The following ZSCAN1 variants were observed in gnomAD, a reference collection of about 807,000 sequenced individuals.
ZSCAN1 encodes zinc finger and SCAN domain-containing protein 1.
Under a neutral mutation model 23.8 loss-of-function variants are expected in ZSCAN1, and 23 were observed. That is an observed-to-expected ratio of 0.97 (90% CI 0.70 to 1.37). The LOEUF (loss-of-function observed/expected upper bound fraction) is 1.37. ZSCAN1 is among the 40% of genes most tolerant of loss of function. The pLI, the probability that ZSCAN1 is intolerant of heterozygous loss-of-function variation, is 0.00. For synonymous variants in ZSCAN1, 236 were observed against 232.3 expected, an observed-to-expected ratio of 1.02 and a Z score of -0.15; for missense variants, 575 against 554.0, an observed-to-expected ratio of 1.04 and a Z score of -0.38.
Position 58,045,051 on chromosome 19 carries a change from A to G in ZSCAN1, c.465+4507A>G. The G allele has an allele frequency of 6.3e-6, 7 of 1,119,330 alleles. No homozygotes were observed. The highest frequency in any genetic ancestry group is 9.5e-6 in the Non-Finnish European group (7 of 733,364). The allele number at this position is 1,119,330 out of a possible 1,614,324, so 69.3% of individuals were successfully genotyped here. Reference sequence around the variant, plus strand: ...TGGTGGTGAAGTCCCGGGGGCAGAGAGGGTGCTGGGCGAGCTGAGGCACTA... The same window carrying G: ...TGGTGGTGAAGTCCCGGGGGCAGAGGGGGTGCTGGGCGAGCTGAGGCACTA... On this transcript the variant is annotated intron_variant, in intron 4 of 5. Coordinates refer to ENST00000282326, the MANE Select transcript of ZSCAN1 (RefSeq NM_182572.4). This position sits in a 1 kb window ranked among gnomAD's most constrained non-coding sequence, Gnocchi z 4.3.
intron 3 of ZSCAN1, among the ~76,000 whole-genome samples, chr19:58,039,163 G>C (rs1478716915): frequency 6.6e-6 from 1 of 152,236 alleles, no homozygotes; most frequent in Non-Finnish European, 1.5e-5. Flanking sequence ...TGTGACAGCT[G>C]AGCTTTCCAG....
Position 58,047,410 on chromosome 19 carries a change from C to A in ZSCAN1, c.466-5080C>A, listed in dbSNP as rs1180369135. Among the ~76,000 whole-genome samples the A allele has an allele frequency of 6.6e-6, 1 of 152,176 alleles. No individual in the cohort carries two copies. The highest frequency in any genetic ancestry group is 1.5e-5 in the Non-Finnish European group (1 of 68,026). On this transcript the variant is annotated intron_variant, in intron 4 of 5. Transcript: ENST00000282326. This position sits in a 1 kb window ranked among gnomAD's most constrained non-coding sequence, Gnocchi z 4.9. ...TGTATCGGAGCTCTTTCTTAACTTT[C>A]TATTTTCCCCCAATTCTTTAAGCAG...
intron 4 of ZSCAN1, among the ~76,000 whole-genome samples, chr19:58,041,454 G>A (rs1200683760): frequency 2.6e-5 from 4 of 152,234 alleles, no homozygotes; most frequent in African/African-American, 7.2e-5. Context: ...AAACTGGGGG[G>A]ACCCCTTATC....
chr19:58,050,023 T>C (rs2073849107), intron 4 of ZSCAN1, among the ~76,000 whole-genome samples: 1 of 151,862 alleles, frequency 6.6e-6, no homozygotes, highest in African/African-American at 2.4e-5. Flanking sequence ...GTGTGGGTAG[T>C]GGGAGGGGGA....
At chr19:58,041,401 A>G (rs2073788618) in intron 4 of ZSCAN1, among the ~76,000 whole-genome samples, 2 of 152,208 alleles carry the variant, frequency 1.3e-5, no homozygotes, top group African/African-American at 4.8e-5. Flanking sequence ...AGGGGCACAC[A>G]TTGGGAAACA....
Position 58,040,392 on chromosome 19 carries a change from G to A in ZSCAN1, c.371-58G>A. On this transcript the variant is annotated intron_variant, in intron 3 of 5. Transcript: ENST00000282326. The surrounding 1 kb of genome is among the most constrained non-coding windows in gnomAD (Gnocchi z 5.8). ...AAGTCTGCCCTCCCCAGAAGGCCTG[G>A]AGAATTGGGGGCTCTGGGAAGAACA... 1 of 1,585,626 alleles carries A rather than the reference G, an allele frequency of 6.3e-7. No individual in the cohort carries two copies. The highest frequency in any genetic ancestry group is 8.7e-7 in the Non-Finnish European group (1 of 1,156,068).
At chr19:58,039,470 C>T (rs988951495) in intron 3 of ZSCAN1, among the ~76,000 whole-genome samples, 1 of 152,122 alleles carries the variant, frequency 6.6e-6, no homozygotes, top group Admixed American at 6.5e-5. Flanking sequence ...AGCCCTGCAC[C>T]GGCCACCCAC....
downstream of ZSCAN1, among the ~76,000 whole-genome samples, chr19:58,055,168 C>T (rs1400113198): frequency 3.3e-5 from 5 of 152,242 alleles, no homozygotes; most frequent in Non-Finnish European, 7.3e-5. Context: ...CAGGCAGAGA[C>T]ATTTTTCCAA....
Position 58,047,137 on chromosome 19 carries a change from C to T in ZSCAN1, c.466-5353C>T, listed in dbSNP as rs568553740. Among the ~76,000 whole-genome samples, 14 of 152,322 alleles carry T rather than the reference C, an allele frequency of 9.2e-5. No homozygotes were observed. Among genetic ancestry groups the T allele is most frequent in the Non-Finnish European group, 1.6e-4 (11 of 68,036 alleles). On this transcript the variant is annotated intron_variant, in intron 4 of 5. Coordinates refer to ENST00000282326, the MANE Select transcript of ZSCAN1 (RefSeq NM_182572.4). This position sits in a 1 kb window ranked among gnomAD's most constrained non-coding sequence, Gnocchi z 4.9. ...GAGGACCACATGGACTCTGCCCACA[C>T]GGAGCTGGCTGCTACGCCCACCCTC...
chr19:58,053,741 A>C lies in ZSCAN1; in HGVS notation c.917A>C (p.His306Pro). The change falls in exon 6 of 6, where the codon CAC becomes CCC. Residue 306 changes from histidine (H) to proline (P), a missense_variant. By Grantham distance (77) the His-to-Pro change is moderately conservative. Coordinates refer to ENST00000282326, the MANE Select transcript of ZSCAN1 (RefSeq NM_182572.4). The surrounding 1 kb of genome is among the most constrained non-coding windows in gnomAD (Gnocchi z 5.8). ...GGGATGGTCTTCACCTGGGTCACCC[A>C]CTTCATCGAGCACCAGAAGACCCAT... is the stretch of plus-strand genomic sequence containing the variant. Reference protein sequence around the residue: ...DCGMVFTWVTHFIEHQKTHRE... With the variant: ...DCGMVFTWVTPFIEHQKTHRE... The C allele has an allele frequency of 1.2e-6, 2 of 1,614,002 alleles. No homozygotes were observed. The highest frequency in any genetic ancestry group is 1.7e-6 in the Non-Finnish European group (2 of 1,179,984).
intron 4 of ZSCAN1, chr19:58,046,281 G>A: frequency 1.3e-6 from 1 of 790,814 alleles, no homozygotes; most frequent in Non-Finnish European, 2.3e-6. Flanking sequence ...AGCTGCTGAA[G>A]GAGGACATGC....
intron 4 of ZSCAN1, chr19:58,046,741 A>C (rs2073828954): frequency 6.4e-6 from 5 of 783,004 alleles, no homozygotes; most frequent in Admixed American, 5.4e-5. Flanking sequence ...GAGAAGGTGG[A>C]GAAGGAGGTT....
In ZSCAN1 at chr19:58,040,320, A is replaced by C; in HGVS notation, c.371-130A>C. Reference sequence around the variant, plus strand: ...TGGAGGGACAGAATGACAGCCCTGCAGCCACTCTTGCCTGCGCCTCAGGGG... The same window carrying C: ...TGGAGGGACAGAATGACAGCCCTGCCGCCACTCTTGCCTGCGCCTCAGGGG... On this transcript the variant is annotated intron_variant, in intron 3 of 5. Coordinates refer to ENST00000282326, the MANE Select transcript of ZSCAN1 (RefSeq NM_182572.4). The surrounding 1 kb of genome is among the most constrained non-coding windows in gnomAD (Gnocchi z 5.8). 3 of 910,770 alleles carry C rather than the reference A, an allele frequency of 3.3e-6. No homozygotes were observed. The South Asian group carries it at 4.6e-5, about 14-fold the overall frequency. 56.4% of individuals were successfully genotyped at this position (910,770 alleles called of 1,614,324 possible). A position where few individuals can be genotyped will look rare whatever the true frequency, so the allele number is the denominator to read the frequency against.
intron 4 of ZSCAN1, chr19:58,046,433 C>T (rs1568604454): frequency 5.9e-6 from 5 of 853,406 alleles, no homozygotes; most frequent in East Asian, 2.4e-5. Context: ...GGCTTGATCT[C>T]GCAGCTGGAG....
At chr19:58,056,140 T>G (rs75847421), downstream of ZSCAN1, among the ~76,000 whole-genome samples, 1 of 152,148 alleles carries the variant, frequency 6.6e-6, no homozygotes, top group South Asian at 2.1e-4. Flanking sequence ...AAGCAAACTC[T>G]GCCTCCAGCC....
In ZSCAN1 at chr19:58,036,019, C is replaced by T. The variant is rs894746569; in HGVS notation, c.-110+8C>T. The T allele has an allele frequency of 6.6e-6, 1 of 152,222 alleles. No individual in the cohort carries two copies. Among genetic ancestry groups the T allele is most frequent in the Non-Finnish European group, 1.5e-5 (1 of 68,044 alleles). 9.4% of individuals were successfully genotyped at this position (152,222 alleles called of 1,614,324 possible). A position where few individuals can be genotyped will look rare whatever the true frequency, so the allele number is the denominator to read the frequency against. ...TGGAGGAGATTCAGAGAAGTATGAA[C>T]AGCACAAAGCACTTGGCCGCCCCCC... On this transcript the variant is annotated splice_region_variant and intron_variant, in intron 2 of 5. Transcript: ENST00000282326.
intron 3 of ZSCAN1, among the ~76,000 whole-genome samples, chr19:58,039,758 G>A (rs549857417): frequency 1.6e-4 from 20 of 128,802 alleles, no homozygotes; most frequent in Non-Finnish European, 2.2e-4. Context: ...GCGACAGAGC[G>A]AGACTCCGTC....
At position 58,046,326 on chromosome 19, in the gene ZSCAN1, G is replaced by A. The variant is rs112970312; in HGVS notation, c.465+5782G>A. ...GCGAGGACTTGCAGGAGCTCAAGAA[G>A]GAACTTTCAAAGACTGGTGAAGAAA... On this transcript the variant is annotated intron_variant, in intron 4 of 5. Coordinates refer to ENST00000282326, the MANE Select transcript of ZSCAN1 (RefSeq NM_182572.4). 5.6e-4 allele frequency: 497 copies of A among 890,634 alleles called. 6 individuals carry two copies. In the African/African-American group the frequency reaches 7.5e-3, roughly 13 times the overall value. The allele number at this position is 890,634 out of a possible 1,614,324, so 55.2% of individuals were successfully genotyped here. A position where few individuals can be genotyped will look rare whatever the true frequency, so the allele number is the denominator to read the frequency against.
intron 4 of ZSCAN1, chr19:58,046,482 C>A: frequency 1.2e-6 from 1 of 856,960 alleles, no homozygotes; most frequent in Non-Finnish European, 2.0e-6. Context: ...CGGCCAAGGG[C>A]GTGCCCATGG....
Sources: allele counts gnomAD v4.1 joint callset (sites outside exome capture counted in the v4.1 genomes callset), GRCh38; gene constraint gnomAD v4.1.1; non-coding constraint Gnocchi (gnomAD v3.1); transcripts MANE v1.5; gene names NCBI Gene and HGNC (gene_info 2026-07-23, HGNC 2026-07-21).